The following FDX1 variants were observed in gnomAD, a reference collection of about 807,000 sequenced individuals.
The protein encoded by FDX1 is adrenodoxin, mitochondrial.
In FDX1, 9 loss-of-function variants were observed where a neutral mutation model predicts 14.9. The ratio of observed to expected loss-of-function variants is 0.60; its 90% CI spans 0.36 to 1.05. The LOEUF is 1.05. Among genes scored for constraint, FDX1 ranks in the 50% least tolerant of loss-of-function variants. The pLI, the probability that FDX1 is intolerant of heterozygous loss-of-function variation, is 0.01. For synonymous variants in FDX1, 92 were observed against 99.4 expected (o/e 0.93, Z 0.44); for missense variants, 204 against 237.2 (o/e 0.86, Z 0.92).
chr11:110,444,632 A>ATG (rs369797336), intron 2 of FDX1, among the ~76,000 whole-genome samples: 1,264 of 84,686 alleles, frequency 0.015, 73 homozygotes, highest in African/African-American at 0.065. Context: ...AAGAAAATAT[A>ATG]TGTGTGTGTG....
intron 1 of FDX1, among the ~76,000 whole-genome samples, chr11:110,432,267 C>T (rs184597420): frequency 1.4e-4 from 21 of 152,086 alleles, no homozygotes; most frequent in Non-Finnish European, 2.6e-4. Flanking sequence ...AGATCTTTCA[C>T]GTGTATTGTT....
chr11:110,433,772 A>G (rs1565378953), intron 1 of FDX1, among the ~76,000 whole-genome samples: 1 of 152,166 alleles, frequency 6.6e-6, no homozygotes, highest in Non-Finnish European at 1.5e-5. Flanking sequence ...GTTTTAATGA[A>G]TAGAATCCTG....
chr11:110,435,852 A>C lies in FDX1; in HGVS notation c.204A>C (p.Thr68=). Residue 68 remains threonine (T), a synonymous_variant, in exon 2 of 4, where the codon ACA becomes ACC. Transcript: ENST00000260270. ...TTTCCAGCTCAGAAGATAAAATAAC[A>C]GTCCACTTTATAAACCGTGATGGTG... ...RARSSSEDKI[T]VHFINRDGET... 6.2e-7 allele frequency: 1 copy of C among 1,604,582 alleles called. No homozygotes were observed. Among genetic ancestry groups the C allele is most frequent in the Non-Finnish European group, 8.5e-7 (1 of 1,174,786 alleles).
At chr11:110,457,961 A>G (rs1436447868) in intron 3 of FDX1, among the ~76,000 whole-genome samples, 2 of 152,158 alleles carry the variant, frequency 1.3e-5, no homozygotes, top group East Asian at 3.9e-4. Flanking sequence ...GTGAAATAGT[A>G]TCTCTTTGGA....
At chr11:110,437,555 G>T (rs1367500415) in intron 2 of FDX1, among the ~76,000 whole-genome samples, 8 of 152,266 alleles carry the variant, frequency 5.3e-5, no homozygotes, top group Admixed American at 5.2e-4. Context: ...TTTCTCTGGT[G>T]ATTAGTGATG....
intron 1 of FDX1, among the ~76,000 whole-genome samples, chr11:110,431,576 C>T (rs1946331941): frequency 6.6e-6 from 1 of 152,164 alleles, no homozygotes; most frequent in Non-Finnish European, 1.5e-5. Context: ...GTTTCCTCTG[C>T]ACTTCCCCCC....
intron 1 of FDX1, among the ~76,000 whole-genome samples, chr11:110,434,334 ATTTTTTTT>A (rs1555068018): frequency 1.6e-5 from 2 of 126,408 alleles, no homozygotes; most frequent in Admixed American, 1.7e-4. Flanking sequence ...CGCCCTATTG[ATTTTTTTT>A]TTTTTTTTTT....
At chr11:110,444,676 ATATATATACACG>A (rs1565381814) in intron 2 of FDX1, among the ~76,000 whole-genome samples, 7 of 79,420 alleles carry the variant, frequency 8.8e-5, no homozygotes, top group East Asian at 4.3e-4. Flanking sequence ...GTATATATAT[ATATATATACACG>A]TATATATATA....
At chr11:110,429,567 TATAATAGCATTCTGAG>T (rs1193677070), upstream of FDX1, among the ~76,000 whole-genome samples, 1 of 152,228 alleles carries the variant, frequency 6.6e-6, no homozygotes, top group African/African-American at 2.4e-5. Context: ...TATTTCTTTG[TATAATAGCATTCTGAG>T]ATTTTCCAAA....
At chr11:110,433,880 C>T (rs570157266) in intron 1 of FDX1, among the ~76,000 whole-genome samples, 9 of 152,194 alleles carry the variant, frequency 5.9e-5, no homozygotes, top group South Asian at 2.1e-4. Flanking sequence ...TGATAACTTT[C>T]GAGATAGTTA....
intron 2 of FDX1, among the ~76,000 whole-genome samples, chr11:110,442,936 A>G (rs1401671333): frequency 1.3e-5 from 2 of 152,140 alleles, no homozygotes; most frequent in African/African-American, 2.4e-5. Context: ...TTCTCCTGAC[A>G]GTGAATAAGA....
At chr11:110,429,925 T>A (rs1276217522), upstream of FDX1, 1 of 346,172 alleles carries the variant, frequency 2.9e-6, no homozygotes, top group Non-Finnish European at 5.2e-6. Context: ...CTTGCCAATG[T>A]CTTTATAGGT....
chr11:110,444,744 ACACG>A lies in FDX1; in HGVS notation c.310+8787_310+8790del, dbSNP rs796323564. ...TATACGTATATATATATATATATATACACGTATATATATATATATATATTTGCAG... is the reference window on the plus strand; with the variant it reads ...TATACGTATATATATATATATATATATATATATATATATATATATTTGCAG... On this transcript the variant is annotated intron_variant, in intron 2 of 3. Transcript: ENST00000260270. Among the ~76,000 whole-genome samples, 86 of 35,054 alleles carry A rather than the reference ACACG, an allele frequency of 2.5e-3. 7 individuals are homozygous for A. The highest frequency in any genetic ancestry group is 0.012 in the African/African-American group (77 of 6,472). The allele number at this position is 35,054 out of a possible 152,430, so 23.0% of individuals were successfully genotyped here. A position where few individuals can be genotyped will look rare whatever the true frequency, so the allele number is the denominator to read the frequency against.
chr11:110,439,349 A>G (rs565367119), intron 2 of FDX1, among the ~76,000 whole-genome samples: 7 of 152,070 alleles, frequency 4.6e-5, no homozygotes, highest in Non-Finnish European at 8.8e-5. Flanking sequence ...CTGGGATTAC[A>G]GGTGCATGCT....
At chr11:110,444,735 TATATATATAC>T (rs1157191969) in intron 2 of FDX1, among the ~76,000 whole-genome samples, 36 of 64,880 alleles carry the variant, frequency 5.5e-4, no homozygotes, top group African/African-American at 6.7e-4. Flanking sequence ...TATATATATA[TATATATATAC>T]ACGTATATAT....
upstream of FDX1, among the ~76,000 whole-genome samples, chr11:110,429,520 T>A (rs1382951095): frequency 1.3e-5 from 2 of 152,218 alleles, no homozygotes; most frequent in Non-Finnish European, 2.9e-5. Context: ...GCCCCAAGCC[T>A]ATTCATTAAT....
chr11:110,454,744 CAT>C (rs147912171), intron 2 of FDX1, among the ~76,000 whole-genome samples: 8 of 152,216 alleles, frequency 5.3e-5, no homozygotes, highest in East Asian at 3.9e-4. Context: ...AGTATACAGT[CAT>C]GTGTAATTCT....
rs117280288 is a variant in FDX1, at chr11:110,460,708, A to G, written c.441-1646A>G. 3.3e-5 allele frequency among the ~76,000 whole-genome samples: 5 copies of G among 152,294 alleles called. No homozygotes were observed. In the East Asian group the frequency reaches 9.6e-4, roughly 29 times the overall value. On this transcript the variant is annotated intron_variant, in intron 3 of 3. Coordinates refer to ENST00000260270, the MANE Select transcript of FDX1 (RefSeq NM_004109.5). ...TCATTAATGCTGGCATTAGCAACCA[A>G]TCCTCACAGCAGTCCTGTGAGGAAT...
At chr11:110,455,833 T>A (rs1946518071) in intron 2 of FDX1, among the ~76,000 whole-genome samples, 1 of 152,236 alleles carries the variant, frequency 6.6e-6, no homozygotes, top group South Asian at 2.1e-4. Flanking sequence ...CAGTAGGTGC[T>A]AGTTACAGAG....
Sources: allele counts gnomAD v4.1 joint callset (sites outside exome capture counted in the v4.1 genomes callset), GRCh38; gene constraint gnomAD v4.1.1; transcripts MANE v1.5; gene names NCBI Gene and HGNC (gene_info 2026-07-23, HGNC 2026-07-21).